U2AF2: variants seen among roughly 807,000 people sequenced by gnomAD.
U2AF2 encodes splicing factor U2AF 65 kDa subunit.
In U2AF2, 6 loss-of-function variants were observed where a neutral mutation model predicts 52.6. The ratio of observed to expected loss-of-function variants is 0.11; its 90% CI spans 0.06 to 0.23. The LOEUF (loss-of-function observed/expected upper bound fraction) is 0.23. U2AF2 is among the 10% of genes least tolerant of loss of function. U2AF2 has a pLI of 1.00. For missense variants in U2AF2, 222 were observed against 677.1 expected (o/e 0.33, Z 7.46); for synonymous variants, 284 against 258.2 (o/e 1.10, Z -0.96).
Position 55,660,502 on chromosome 19 carries a change from CCCACCT to C in U2AF2, c.231-11_231-6del. 1.6e-5 allele frequency: 15 copies of C among 929,450 alleles called. No homozygotes were observed. The highest frequency in any genetic ancestry group is 2.6e-5 in the Non-Finnish European group (15 of 585,382). The allele number at this position is 929,450 out of a possible 1,614,324, so 57.6% of individuals were successfully genotyped here. On this transcript the variant is annotated splice_polypyrimidine_tract_variant and splice_region_variant and intron_variant, in intron 3 of 11. Coordinates refer to ENST00000308924, the MANE Select transcript of U2AF2 (RefSeq NM_007279.3). ...AGGTTGCCCTGCCCCGCTCTCCCCT[CCCACCT>C]CCCCCAGTCGTTCCCCCCGCCACGA... is the stretch of plus-strand genomic sequence containing the variant.
intron 11 of U2AF2, 134 bp from the exon 12 acceptor site, chr19:55,673,800 G>C: frequency 8.0e-7 from 1 of 1,256,248 alleles, no homozygotes; most frequent in Non-Finnish European, 1.1e-6. Context: ...GCTTACTAAG[G>C]GTCCCTTTCT....
At position 55,655,067 on chromosome 19, in the gene U2AF2, G is replaced by A. The variant is rs1489156270; in HGVS notation, c.-38G>A. 6.2e-7 allele frequency: 1 copy of A among 1,605,094 alleles called. No homozygotes were observed. Among genetic ancestry groups the A allele is most frequent in the Middle Eastern group, 1.7e-4 (1 of 5,866 alleles). ...GCGGCTGGAGCGGGCGGCAAGGCGA[G>A]GCGAAAGCTGCACAGGGCCCTACGC... On this transcript the variant is annotated 5_prime_UTR_variant, in exon 1 of 12. Transcript: ENST00000308924.
chr19:55,669,820 C>T (rs1984775288), intron 11 of U2AF2, 128 bp downstream of exon 11: 4 of 1,367,836 alleles, frequency 2.9e-6, no homozygotes, highest in South Asian at 3.0e-5. Flanking sequence ...CTTCCTCTCT[C>T]TCTCCTCTCG....
At chr19:55,659,862 C>T (rs1984053728) in intron 2 of U2AF2, among the ~76,000 whole-genome samples, 1 of 152,150 alleles carries the variant, frequency 6.6e-6, no homozygotes, top group Non-Finnish European at 1.5e-5. Context: ...CTAGGCTCCC[C>T]TTTCTGTTCT....
Position 55,661,114 on chromosome 19 carries a change from G to C in U2AF2, c.411G>C (p.Val137=), listed in dbSNP as rs138881430. Residue 137 remains valine (V), a synonymous_variant, in exon 5 of 12, where the codon GTG becomes GTC. Transcript: ENST00000308924. ...GTCTGGCTGTGACCCCAACGCCGGT[G>C]CCCGTGGTCGGGAGCCAGATGACCA... ...PDGLAVTPTP[V]PVVGSQMTRQ... The C allele has an allele frequency of 9.5e-5, 153 of 1,612,698 alleles. 1 individual carries two copies. The African/African-American group carries it at 1.9e-3, about 20-fold the overall frequency.
chr19:55,660,334 C>T (rs1211616423), intron 3 of U2AF2, 113 bp downstream of exon 3: 6 of 1,296,074 alleles, frequency 4.6e-6, no homozygotes, highest in Admixed American at 2.2e-5. Flanking sequence ...TGGGAAGAGT[C>T]CACTTACCTT....
intron 1 of U2AF2, 166 bp from the exon 2 acceptor site, chr19:55,659,044 C>G (rs902865150): frequency 8.7e-7 from 1 of 1,143,710 alleles, no homozygotes; most frequent in Non-Finnish European, 1.1e-6. Flanking sequence ...GGTCCCTGGA[C>G]TCGCTTGTGG....
Position 55,668,614 on chromosome 19 carries a change from G to GGCCCCCCCCCCCCCC in U2AF2, c.822+28_822+29insGCCCCCCCCCCCCCC. On this transcript the variant is annotated intron_variant, in intron 8 of 11. Transcript: ENST00000308924. The surrounding 1 kb of genome is among the most constrained non-coding windows in gnomAD (Gnocchi z 5.5). ...AACTTCCCTGCCTCCCTCCAGACCC[G>GGCCCCCCCCCCCCCC]TCCCCCCACCCCGCCCCACCTCATC... 3 of 1,324,188 alleles carry GGCCCCCCCCCCCCCC rather than the reference G, an allele frequency of 2.3e-6. No individual in the cohort carries two copies. Among genetic ancestry groups the GGCCCCCCCCCCCCCC allele is most frequent in the Non-Finnish European group, 3.2e-6 (3 of 945,466 alleles). 82.0% of individuals were successfully genotyped at this position (1,324,188 alleles called of 1,614,324 possible).
At chr19:55,665,425 G>C (rs1295973364) in intron 7 of U2AF2, among the ~76,000 whole-genome samples, 2 of 124,694 alleles carry the variant, frequency 1.6e-5, no homozygotes, top group African/African-American at 6.5e-5. Flanking sequence ...TCCATGGACG[G>C]CAGTTCTACG....
In U2AF2 at chr19:55,674,043, C is replaced by T. The variant is rs1002229523; in HGVS notation, c.1403C>T (p.Ser468Phe). 3 of 1,421,442 alleles carry T rather than the reference C, an allele frequency of 2.1e-6. No homozygotes were observed. The highest frequency in any genetic ancestry group is 2.0e-4 in the Middle Eastern group (1 of 5,058). 88.1% of individuals were successfully genotyped at this position (1,421,442 alleles called of 1,614,324 possible). A position where few individuals can be genotyped will look rare whatever the true frequency, so the allele number is the denominator to read the frequency against. Residue 468 changes from serine (S) to phenylalanine (F), a missense_variant, in exon 12 of 12, where the codon TCT becomes TTT. Ser to Phe is a radical substitution (Grantham distance 155). Coordinates refer to ENST00000308924, the MANE Select transcript of U2AF2 (RefSeq NM_007279.3). Reference sequence around the variant, plus strand: ...GTCACAAAATACTGTGACCCCGACTCTTATCACCGCCGGGACTTCTGGTAG... The same window carrying T: ...GTCACAAAATACTGTGACCCCGACTTTTATCACCGCCGGGACTTCTGGTAG... ...VVVTKYCDPD[S>F]YHRRDFW
chr19:55,668,556 G>C lies in U2AF2; in HGVS notation c.792G>C (p.Gly264=). ...ACTCTGCCCACAAGCTGTTCATCGG[G>C]GGCTTACCCAACTACCTGAACGATG... ...VPDSAHKLFI[G]GLPNYLNDDQ... Residue 264 remains glycine, a synonymous_variant, in exon 8 of 12, where the codon GGG becomes GGC. Coordinates refer to ENST00000308924, the MANE Select transcript of U2AF2 (RefSeq NM_007279.3). The surrounding 1 kb of genome is among the most constrained non-coding windows in gnomAD (Gnocchi z 5.5). 6.2e-7 allele frequency: 1 copy of C among 1,608,516 alleles called. No individual in the cohort carries two copies. Among genetic ancestry groups the C allele is most frequent in the Non-Finnish European group, 8.5e-7 (1 of 1,176,718 alleles).
At chr19:55,660,073 C>T (rs1984067745) in intron 2 of U2AF2, 104 bp from the exon 3 acceptor site, 29 of 1,123,834 alleles carry the variant, frequency 2.6e-5, no homozygotes, top group Non-Finnish European at 3.3e-5. Context: ...TGACCTCGGC[C>T]CTGCTCCCAC....
In U2AF2 at chr19:55,674,147, G is replaced by T; in HGVS notation, c.*79G>T. ...CGCCCCCCCCTTATCCCCCTCTGAAGACGATGGGCAGAGGAGTGACAGCCG... is the reference window on the plus strand; with the variant it reads ...CGCCCCCCCCTTATCCCCCTCTGAATACGATGGGCAGAGGAGTGACAGCCG... On this transcript the variant is annotated 3_prime_UTR_variant, in exon 12 of 12. Transcript: ENST00000308924. 2 of 1,357,432 alleles carry T rather than the reference G, an allele frequency of 1.5e-6. No individual in the cohort carries two copies. The highest frequency in any genetic ancestry group is 1.9e-6 in the Non-Finnish European group (2 of 1,039,124). The allele number at this position is 1,357,432 out of a possible 1,614,324, so 84.1% of individuals were successfully genotyped here.
intron 1 of U2AF2, chr19:55,658,789 A>C: frequency 1.3e-5 from 2 of 158,994 alleles, no homozygotes; most frequent in Non-Finnish European, 2.7e-5. Context: ...GGTGCCAGCT[A>C]GTTGCAGAGG....
intron 1 of U2AF2, among the ~76,000 whole-genome samples, chr19:55,655,838 T>A: frequency 6.6e-6 from 1 of 152,244 alleles, no homozygotes; most frequent in East Asian, 1.9e-4. Flanking sequence ...TCTTTGAGTG[T>A]CCGCACGCAC....
intron 5 of U2AF2, 91 bp downstream of exon 5, chr19:55,661,280 T>C (rs1984171896): frequency 3.8e-6 from 5 of 1,302,216 alleles, no homozygotes; most frequent in African/African-American, 1.6e-5. Context: ...CCTGCACGGG[T>C]CAGACTCTGC....
In U2AF2 at chr19:55,673,993, C is replaced by T; in HGVS notation, c.1353C>T (p.Gly451=). The change falls in exon 12 of 12, where the codon GGC becomes GGT. Residue 451 remains glycine, a synonymous_variant. Coordinates refer to ENST00000308924, the MANE Select transcript of U2AF2 (RefSeq NM_007279.3). ...DCQKAMQGLT[G]RKFANRVVVT... The stretch of plus-strand genomic sequence containing the variant: ...AGAAAGCCATGCAGGGCCTGACGGG[C>T]CGCAAGTTCGCCAACAGAGTGGTTG... 1 of 1,614,104 alleles carries T rather than the reference C, an allele frequency of 6.2e-7. No individual in the cohort carries two copies. Among genetic ancestry groups the T allele is most frequent in the Non-Finnish European group, 8.5e-7 (1 of 1,179,988 alleles).
chr19:55,661,221 C>T, intron 5 of U2AF2, 32 bp downstream of exon 5: 1 of 1,536,580 alleles, frequency 6.5e-7, no homozygotes, highest in Non-Finnish European at 8.8e-7. Flanking sequence ...TACCCTCTCC[C>T]TTGTCCCTCT....
Position 55,668,319 on chromosome 19 carries a change from G to C in U2AF2, c.743-188G>C, listed in dbSNP as rs1298629816. On this transcript the variant is annotated intron_variant, in intron 7 of 11. Transcript: ENST00000308924. This position sits in a 1 kb window ranked among gnomAD's most constrained non-coding sequence, Gnocchi z 5.5. Reference sequence around the variant, plus strand: ...GGTGCGTTCTCCCCGAGGAGCCTCTGTGTGCCACTGCCCAGGACCCTCACT... The same window carrying C: ...GGTGCGTTCTCCCCGAGGAGCCTCTCTGTGCCACTGCCCAGGACCCTCACT... Among the ~76,000 whole-genome samples the C allele has an allele frequency of 1.3e-5, 2 of 152,162 alleles. No homozygotes were observed. The highest frequency in any genetic ancestry group is 1.5e-5 in the Non-Finnish European group (1 of 68,024).
Sources: gnomAD v4.1 joint callset for allele counts (sites outside exome capture counted in the v4.1 genomes callset) on GRCh38, gnomAD v4.1.1 for gene constraint, Gnocchi (gnomAD v3.1) non-coding constraint, MANE v1.5 for transcripts, NCBI Gene and HGNC (gene_info 2026-07-23, HGNC 2026-07-21) for gene names.